Variants in THSD7B observed in about 807,000 individuals in gnomAD.
The protein encoded by THSD7B is thrombospondin type 1 domain containing 7B, also known as thrombospondin type-1 domain-containing protein 7B.
THSD7B carries 138 observed loss-of-function variants against 213.6 expected under a neutral mutation model. The ratio of observed to expected loss-of-function variants is 0.65; its 90% CI spans 0.56 to 0.74. THSD7B has a LOEUF of 0.74. THSD7B is among the 30% of genes least tolerant of loss of function. The probability of loss-of-function intolerance (pLI) is 0.00; values close to 1 mark genes in which losing one functional copy is unlikely to be tolerated. For missense variants in THSD7B, 1,931 were observed against 1,991.5 expected (o/e 0.97, Z 0.58); for synonymous variants, 742 against 687.0 (o/e 1.08, Z -1.25).
Position 137,094,558 on chromosome 2 carries a change from T to TA in THSD7B, c.951-303dup, listed in dbSNP as rs34285827. ...GGGTGACAGAGCAAGACTCCATCTC[T>TA]AAAAAAAAAAAACACAGCAGCCTAG... On this transcript the variant is annotated intron_variant, in intron 3 of 27. Transcript: ENST00000409968. Among the ~76,000 whole-genome samples the TA allele has an allele frequency of 5.3e-3, 747 of 141,668 alleles. 2 individuals are homozygous for TA. Among genetic ancestry groups the TA allele is most frequent in the African/African-American group, 0.014 (529 of 38,904 alleles). 92.9% of individuals were successfully genotyped at this position (141,668 alleles called of 152,430 possible).
At chr2:137,433,031 C>T (rs1373767860) in intron 14 of THSD7B, among the ~76,000 whole-genome samples, 1 of 152,046 alleles carries the variant, frequency 6.6e-6, no homozygotes, top group Non-Finnish European at 1.5e-5. Flanking sequence ...TCTGCTATAC[C>T]TTGGCTATAT....
intron 7 of THSD7B, among the ~76,000 whole-genome samples, chr2:137,209,655 A>G (rs905271912): frequency 1.3e-5 from 2 of 152,148 alleles, no homozygotes; most frequent in African/African-American, 4.8e-5. Flanking sequence ...GCCTAATAAT[A>G]GTCACTATAA....
At chr2:137,133,780 AC>A in intron 5 of THSD7B, among the ~76,000 whole-genome samples, 2 of 152,236 alleles carry the variant, frequency 1.3e-5, no homozygotes, top group African/African-American at 4.8e-5. Flanking sequence ...TATCATTTCA[AC>A]ATAAATCAGC....
chr2:136,921,408 C>T (rs1257712366), intron 2 of THSD7B, among the ~76,000 whole-genome samples: 4 of 151,930 alleles, frequency 2.6e-5, no homozygotes, highest in Non-Finnish European at 5.9e-5. Context: ...GGACTACAGA[C>T]ACACACCATT....
intron 1 of THSD7B, among the ~76,000 whole-genome samples, chr2:136,786,212 CTT>C (rs1248167132): frequency 6.6e-6 from 1 of 152,080 alleles, no homozygotes; most frequent in African/African-American, 2.4e-5. Flanking sequence ...TATTTTAACA[CTT>C]TAGTGTATAT....
At chr2:136,980,856 C>T (rs56863479) in intron 2 of THSD7B, among the ~76,000 whole-genome samples, 1 of 152,304 alleles carries the variant, frequency 6.6e-6, no homozygotes, top group East Asian at 1.9e-4. Context: ...CCTCTCTTGG[C>T]TGGGGATGGG....
At chr2:137,020,551 G>T (rs888153548) in intron 2 of THSD7B, among the ~76,000 whole-genome samples, 1 of 152,074 alleles carries the variant, frequency 6.6e-6, no homozygotes, top group Non-Finnish European at 1.5e-5. Flanking sequence ...AGGACCCCCC[G>T]TTATTTCATT....
intron 17 of THSD7B, among the ~76,000 whole-genome samples, chr2:137,579,422 G>C (rs966439457): frequency 3.3e-5 from 5 of 152,110 alleles, no homozygotes; most frequent in African/African-American, 1.2e-4. Context: ...TGACTGTCTT[G>C]GGTCTCCAGC....
intron 15 of THSD7B, among the ~76,000 whole-genome samples, chr2:137,527,858 G>A (rs1334127942): frequency 6.6e-6 from 1 of 152,112 alleles, no homozygotes; most frequent in African/African-American, 2.4e-5. Context: ...ACCAGTGAAA[G>A]TTAACATGGA....
At chr2:137,624,577 G>T (rs1301432850) in intron 20 of THSD7B, among the ~76,000 whole-genome samples, 1 of 152,084 alleles carries the variant, frequency 6.6e-6, no homozygotes, top group East Asian at 1.9e-4. Flanking sequence ...CTACCCATCC[G>T]ACAAAGGGCT....
intron 2 of THSD7B, among the ~76,000 whole-genome samples, chr2:136,979,379 A>G (rs1685537599): frequency 6.6e-6 from 1 of 152,150 alleles, no homozygotes; most frequent in Non-Finnish European, 1.5e-5. Flanking sequence ...GATATCCTGA[A>G]GTATATTTTT....
At chr2:137,048,806 A>G (rs1687013049) in intron 2 of THSD7B, among the ~76,000 whole-genome samples, 1 of 152,188 alleles carries the variant, frequency 6.6e-6, no homozygotes, top group Admixed American at 6.5e-5. Context: ...TAAAATTTTC[A>G]GCCTCCCTAA....
chr2:137,399,740 A>ACTAT (rs1251852149), intron 12 of THSD7B, among the ~76,000 whole-genome samples: 1 of 152,122 alleles, frequency 6.6e-6, no homozygotes. Flanking sequence ...TATCTAAATC[A>ACTAT]CTATCTAGAA....
At chr2:137,242,597 T>G (rs1206454944) in intron 10 of THSD7B, 25 bp downstream of exon 10, 1 of 1,550,214 alleles carries the variant, frequency 6.5e-7, no homozygotes, top group South Asian at 1.1e-5. Flanking sequence ...CGTTCTTAGT[T>G]CTTTCTTCCC....
intron 17 of THSD7B, among the ~76,000 whole-genome samples, chr2:137,604,210 C>A (rs541400032): frequency 6.6e-6 from 1 of 152,166 alleles, no homozygotes; most frequent in African/African-American, 2.4e-5. Context: ...AAAGAGTTTT[C>A]TTCAAGAAGT....
intron 15 of THSD7B, among the ~76,000 whole-genome samples, chr2:137,519,418 C>T (rs1427927962): frequency 1.3e-5 from 2 of 152,150 alleles, no homozygotes; most frequent in Admixed American, 1.3e-4. Context: ...GTGGTATGAG[C>T]AAGAGCTGTT....
At chr2:137,613,233 T>C (rs1182350695) in intron 17 of THSD7B, among the ~76,000 whole-genome samples, 1 of 152,162 alleles carries the variant, frequency 6.6e-6, no homozygotes, top group African/African-American at 2.4e-5. Flanking sequence ...TCAGTCTCTC[T>C]TTCGTGAATT....
chr2:137,171,792 A>G (rs1388628342), intron 7 of THSD7B, among the ~76,000 whole-genome samples: 1 of 152,142 alleles, frequency 6.6e-6, no homozygotes, highest in Non-Finnish European at 1.5e-5. Flanking sequence ...ATATATTGCA[A>G]AGCTTTTCAT....
At chr2:137,374,293 T>A (rs929278957) in intron 12 of THSD7B, among the ~76,000 whole-genome samples, 4 of 152,232 alleles carry the variant, frequency 2.6e-5, no homozygotes, top group Admixed American at 1.3e-4. Context: ...AGATTACTTC[T>A]TGACTTTCTC....
Sources: allele counts gnomAD v4.1 joint callset (sites outside exome capture counted in the v4.1 genomes callset), GRCh38; gene constraint gnomAD v4.1.1; transcripts MANE v1.5; gene names NCBI Gene and HGNC (gene_info 2026-07-23, HGNC 2026-07-21).